PDE1A: variants seen among roughly 807,000 people sequenced by gnomAD.
PDE1A encodes the protein phosphodiesterase 1A, also known as dual specificity calcium/calmodulin-dependent 3',5'-cyclic nucleotide phosphodiesterase 1A.
In PDE1A, 35 loss-of-function variants were observed where a neutral mutation model predicts 61.7. That is an observed-to-expected ratio of 0.57 (90% confidence interval 0.43 to 0.75). PDE1A has a LOEUF of 0.75. Ranked by LOEUF, PDE1A falls within the 30% of genes least tolerant of loss-of-function variation. The pLI is 0.00. For synonymous variants in PDE1A, 232 were observed against 213.2 expected, an observed-to-expected ratio of 1.09 and a Z score of -0.77; for missense variants, 597 against 630.6, an observed-to-expected ratio of 0.95 and a Z score of 0.57.
intron 1 of PDE1A, among the ~76,000 whole-genome samples, chr2:182,383,364 T>C (rs1406483764): frequency 6.6e-6 from 1 of 152,210 alleles, no homozygotes; most frequent in Admixed American, 6.5e-5. Flanking sequence ...CTTGAGCCAT[T>C]AGTTAACTGA....
At chr2:182,374,569 C>A (rs922168941) in intron 1 of PDE1A, among the ~76,000 whole-genome samples, 2 of 152,170 alleles carry the variant, frequency 1.3e-5, no homozygotes, top group Admixed American at 6.5e-5. Flanking sequence ...AGAAAAAATT[C>A]ATCAGACATA....
chr2:182,560,820 G>A, the PDE1A span, among the ~76,000 whole-genome samples: 15 of 152,202 alleles, frequency 9.9e-5, no homozygotes, highest in East Asian at 5.8e-4. Flanking sequence ...GCCAGTGATG[G>A]TGAGCATTTT....
At chr2:182,460,109 C>T (rs1385013867) in intron 2 of PDE1A, among the ~76,000 whole-genome samples, 2 of 152,136 alleles carry the variant, frequency 1.3e-5, no homozygotes, top group Non-Finnish European at 2.9e-5. Flanking sequence ...ATTCCAATCC[C>T]TCTTCCAACC....
rs574461790 is a variant in PDE1A, at chr2:182,500,266, C to T, written c.101+22010G>A. Among the ~76,000 whole-genome samples, 52 of 152,226 alleles carry T rather than the reference C, an allele frequency of 3.4e-4. No individual in the cohort carries two copies. In the South Asian group the frequency reaches 4.2e-3, roughly 12 times the overall value. ...TGAAGCCAATTCAGTCATAAGACTA[C>T]AAACCTCAAATACTGATTCACTGAA... On this transcript the variant is annotated intron_variant, in intron 2 of 14. Transcript: ENST00000410103.
the PDE1A span, among the ~76,000 whole-genome samples, chr2:182,618,808 G>T: frequency 6.6e-6 from 1 of 152,060 alleles, no homozygotes; most frequent in African/African-American, 2.4e-5. Flanking sequence ...TTATCTTTAT[G>T]TTCCTGGCAC....
At chr2:182,575,200 G>T in the PDE1A span, among the ~76,000 whole-genome samples, 1 of 152,052 alleles carries the variant, frequency 6.6e-6, no homozygotes, top group Admixed American at 6.6e-5. Flanking sequence ...TGCCTGGATT[G>T]GGCTGTTGTC....
At chr2:182,174,588 T>G (rs1394408065) in intron 13 of PDE1A, among the ~76,000 whole-genome samples, 1 of 152,058 alleles carries the variant, frequency 6.6e-6, no homozygotes, top group African/African-American at 2.4e-5. Flanking sequence ...CTATTCATAC[T>G]CTGTTACAGT....
chr2:182,710,383 T>C, the PDE1A span, among the ~76,000 whole-genome samples: 14 of 152,346 alleles, frequency 9.2e-5, no homozygotes, highest in Non-Finnish European at 1.0e-4. Context: ...ACTTAAAATC[T>C]GCTCTCTTAC....
chr2:182,471,994 T>C (rs1687057210), intron 2 of PDE1A, among the ~76,000 whole-genome samples: 1 of 151,676 alleles, frequency 6.6e-6, no homozygotes, highest in Non-Finnish European at 1.5e-5. Context: ...GAATGCAAAT[T>C]AATATCACAA....
At chr2:182,280,580 C>A (rs898895981) in intron 1 of PDE1A, among the ~76,000 whole-genome samples, 1 of 151,886 alleles carries the variant, frequency 6.6e-6, no homozygotes, top group African/African-American at 2.4e-5. Context: ...AATGTAAAGG[C>A]TTTTCTTCAT....
chr2:182,553,447 C>G, the PDE1A span, among the ~76,000 whole-genome samples: 1 of 152,178 alleles, frequency 6.6e-6, no homozygotes. Flanking sequence ...CTGGGCTGGT[C>G]TCGAGCTCCT....
At chr2:182,599,761 A>C in the PDE1A span, among the ~76,000 whole-genome samples, 75 of 152,238 alleles carry the variant, frequency 4.9e-4, no homozygotes, top group Non-Finnish European at 3.2e-4. Context: ...TGGATGGCCC[A>C]TCTTTTATCA....
the PDE1A span, among the ~76,000 whole-genome samples, chr2:182,666,948 A>G: frequency 6.6e-6 from 1 of 152,180 alleles, no homozygotes; most frequent in Non-Finnish European, 1.5e-5. Flanking sequence ...CCCAGTGCAC[A>G]GTCCTGCTAG....
intron 10 of PDE1A, among the ~76,000 whole-genome samples, chr2:182,194,770 CT>C (rs1685997757): frequency 6.6e-6 from 1 of 151,874 alleles, no homozygotes; most frequent in Admixed American, 6.6e-5. Context: ...TTAAAAAATT[CT>C]TAGTGTCTGA....
chr2:182,200,435 C>G (rs1350218277), intron 10 of PDE1A, among the ~76,000 whole-genome samples: 1 of 152,106 alleles, frequency 6.6e-6, no homozygotes, highest in Non-Finnish European at 1.5e-5. Context: ...GTAATGAAAC[C>G]TTGATAAATA....
intron 7 of PDE1A, among the ~76,000 whole-genome samples, chr2:182,215,436 A>G (rs1239198911): frequency 6.7e-5 from 10 of 149,132 alleles, no homozygotes; most frequent in Non-Finnish European, 1.3e-4. Context: ...TGAAGGAAAT[A>G]GAGACATAAA....
At chr2:182,622,676 A>G in the PDE1A span, among the ~76,000 whole-genome samples, 4 of 152,200 alleles carry the variant, frequency 2.6e-5, no homozygotes, top group Admixed American at 6.5e-5. Flanking sequence ...CTCCCAGGTC[A>G]GTAGGAAGCA....
At chr2:182,706,999 G>T in the PDE1A span, among the ~76,000 whole-genome samples, 1 of 152,194 alleles carries the variant, frequency 6.6e-6, no homozygotes, top group East Asian at 1.9e-4. Context: ...ACTGTTCATT[G>T]TGCCCCACAG....
At chr2:182,196,436 T>A (rs1215520819) in intron 10 of PDE1A, among the ~76,000 whole-genome samples, 1 of 151,974 alleles carries the variant, frequency 6.6e-6, no homozygotes, top group Non-Finnish European at 1.5e-5. Context: ...TTTCCCACAG[T>A]AATTTTTTTA....
Sources: allele counts gnomAD v4.1 joint callset (sites outside exome capture counted in the v4.1 genomes callset), GRCh38; gene constraint gnomAD v4.1.1; transcripts MANE v1.5; gene names NCBI Gene and HGNC (gene_info 2026-07-23, HGNC 2026-07-21).